KIF6: variants seen among roughly 807,000 people sequenced by gnomAD.
KIF6 encodes kinesin-like protein KIF6.
A neutral mutation model predicts 112.7 loss-of-function variants in KIF6; 106 were observed. That is an observed-to-expected ratio of 0.94 (90% CI 0.80 to 1.11). The LOEUF (loss-of-function observed/expected upper bound fraction) is 1.11, where lower values mean the gene tolerates loss of function less well. Ranked by LOEUF, KIF6 falls within the 50% of genes least tolerant of loss-of-function variation. The pLI, the probability that KIF6 is intolerant of heterozygous loss-of-function variation, is 0.00. For missense variants in KIF6, 929 were observed against 964.0 expected (o/e 0.96, Z 0.48); for synonymous variants, 339 against 339.9 (o/e 1.00, Z 0.03).
At chr6:39,517,515 A>G (rs939776618) in intron 13 of KIF6, among the ~76,000 whole-genome samples, 1 of 152,162 alleles carries the variant, frequency 6.6e-6, no homozygotes, top group African/African-American at 2.4e-5. Context: ...TTAGTGAAAA[A>G]TGGGACCTTA....
At chr6:39,545,716 A>G in intron 10 of KIF6, 28 bp from the exon 11 acceptor site, 2 of 1,409,034 alleles carry the variant, frequency 1.4e-6, no homozygotes, top group Non-Finnish European at 2.0e-6. Flanking sequence ...ATGAGAAGCA[A>G]CTGTGAGCTA....
chr6:39,477,336 T>G (rs1774488630), intron 13 of KIF6, among the ~76,000 whole-genome samples: 1 of 152,160 alleles, frequency 6.6e-6, no homozygotes, highest in Admixed American at 6.5e-5. Context: ...GCATGCGGAT[T>G]TTGATGTAGT....
chr6:39,393,764 CATTGTT>C (rs1195547682), intron 15 of KIF6, among the ~76,000 whole-genome samples: 1 of 152,036 alleles, frequency 6.6e-6, no homozygotes, highest in African/African-American at 2.4e-5. Flanking sequence ...CAACTACAGA[CATTGTT>C]ATAGTTACTT....
intron 15 of KIF6, among the ~76,000 whole-genome samples, chr6:39,396,457 C>T (rs943543685): frequency 1.3e-5 from 2 of 152,020 alleles, no homozygotes; most frequent in African/African-American, 2.4e-5. Context: ...GAGTGGGGAG[C>T]CAGAGAAAGG....
intron 13 of KIF6, chr6:39,431,493 A>G (rs775117536): frequency 3.6e-5 from 8 of 221,150 alleles, no homozygotes; most frequent in Non-Finnish European, 5.3e-5. Flanking sequence ...TTTTCTTACC[A>G]TCGTTCAGTG....
chr6:39,542,037 C>T (rs1032693171), intron 12 of KIF6, among the ~76,000 whole-genome samples: 3 of 152,186 alleles, frequency 2.0e-5, no homozygotes, highest in South Asian at 2.1e-4. Context: ...GCCTAGCACA[C>T]GTGGGACGAG....
At chr6:39,534,085 A>G (rs1040274442) in intron 13 of KIF6, among the ~76,000 whole-genome samples, 9 of 152,160 alleles carry the variant, frequency 5.9e-5, no homozygotes, top group Non-Finnish European at 1.3e-4. Flanking sequence ...CAAAGACCAA[A>G]AGTAGATAAA....
intron 10 of KIF6, among the ~76,000 whole-genome samples, chr6:39,568,198 G>GC (rs1780421759): frequency 6.6e-6 from 1 of 152,200 alleles, no homozygotes; most frequent in Admixed American, 6.5e-5. Flanking sequence ...ACAGGACACT[G>GC]CTGCTATAAA....
chr6:39,396,324 T>C (rs1240944340), intron 15 of KIF6, among the ~76,000 whole-genome samples: 1 of 152,244 alleles, frequency 6.6e-6, no homozygotes, highest in East Asian at 1.9e-4. Flanking sequence ...CTCCCTGTGC[T>C]CTGTCTCTGC....
In KIF6 at chr6:39,336,622, G is replaced by C. The variant is rs60179551; in HGVS notation, c.2429-74C>G. 9.5e-4 allele frequency: 1,342 copies of C among 1,414,714 alleles called. 15 individuals are homozygous for C. In the African/African-American group the frequency reaches 0.017, roughly 18 times the overall value. The allele number at this position is 1,414,714 out of a possible 1,614,324, so 87.6% of individuals were successfully genotyped here. On this transcript the variant is annotated intron_variant, in intron 22 of 22. Coordinates refer to ENST00000287152, the MANE Select transcript of KIF6 (RefSeq NM_145027.6). ...GACTTTTCCCAGGATTGAATCGGGG[G>C]GAGGGGAGGCCACCAGCCACTCCCC...
At chr6:39,352,994 A>G (rs1764374254) in intron 19 of KIF6, among the ~76,000 whole-genome samples, 2 of 152,156 alleles carry the variant, frequency 1.3e-5, no homozygotes, top group Admixed American at 1.3e-4. Context: ...ATTATAAATA[A>G]TTATACAAAA....
chr6:39,432,152 C>G (rs1771207212), intron 13 of KIF6, among the ~76,000 whole-genome samples: 1 of 152,150 alleles, frequency 6.6e-6, no homozygotes, highest in Non-Finnish European at 1.5e-5. Context: ...ACATGGCAAT[C>G]CTTTCTGGTG....
intron 13 of KIF6, among the ~76,000 whole-genome samples, chr6:39,470,050 T>C (rs1774024009): frequency 6.6e-6 from 1 of 152,178 alleles, no homozygotes; most frequent in South Asian, 2.1e-4. Flanking sequence ...ATCATGTCTT[T>C]GACCATAAAA....
chr6:39,398,584 G>GT (rs1429903510), intron 15 of KIF6, among the ~76,000 whole-genome samples: 1 of 152,208 alleles, frequency 6.6e-6, no homozygotes, highest in Admixed American at 6.5e-5. Flanking sequence ...GTTTGTACAT[G>GT]TAAGGTAAAG....
chr6:39,630,817 A>G (rs1784314405), intron 5 of KIF6, among the ~76,000 whole-genome samples: 1 of 151,988 alleles, frequency 6.6e-6, no homozygotes, highest in South Asian at 2.1e-4. Flanking sequence ...CATTTTATAG[A>G]TATTCTTTAT....
intron 2 of KIF6, among the ~76,000 whole-genome samples, chr6:39,720,418 T>G (rs1475622537): frequency 6.6e-6 from 1 of 152,054 alleles, no homozygotes; most frequent in Non-Finnish European, 1.5e-5. Context: ...TTTCTGTAAG[T>G]GCTAAACAAG....
At chr6:39,483,373 A>G (rs1774923405) in intron 13 of KIF6, among the ~76,000 whole-genome samples, 1 of 152,138 alleles carries the variant, frequency 6.6e-6, no homozygotes, top group African/African-American at 2.4e-5. Flanking sequence ...CCCTTCCTCC[A>G]TCTCTTGCTT....
chr6:39,627,546 T>C (rs1375119456), intron 5 of KIF6, among the ~76,000 whole-genome samples: 1 of 152,172 alleles, frequency 6.6e-6, no homozygotes, highest in Non-Finnish European at 1.5e-5. Context: ...GCAGAGACTG[T>C]GCATTAATTT....
chr6:39,693,461 T>C (rs1215950551), intron 3 of KIF6, among the ~76,000 whole-genome samples: 1 of 152,218 alleles, frequency 6.6e-6, no homozygotes, highest in Non-Finnish European at 1.5e-5. Context: ...GACTAAGTTA[T>C]GGCTAATGAG....
Sources: allele counts gnomAD v4.1 joint callset (sites outside exome capture counted in the v4.1 genomes callset), GRCh38; gene constraint gnomAD v4.1.1; transcripts MANE v1.5; gene names NCBI Gene and HGNC (gene_info 2026-07-23, HGNC 2026-07-21).